Variants in DNAH9 observed in about 807,000 individuals in gnomAD.
DNAH9 encodes the protein DNAH9 variant protein.
DNAH9 carries 345 observed loss-of-function variants against 471.6 expected under a neutral mutation model. That is an observed-to-expected ratio of 0.73 (90% CI 0.67 to 0.80). The LOEUF is 0.80. Among genes scored for constraint, DNAH9 ranks in the 30% least tolerant of loss-of-function variants. The probability of loss-of-function intolerance (pLI) is 0.00; values close to 1 mark genes in which losing one functional copy is unlikely to be tolerated. For missense variants in DNAH9, 5,407 were observed against 5,609.2 expected (o/e 0.96, Z 1.15); for synonymous variants, 2,093 against 2,123.6 (o/e 0.99, Z 0.40).
chr17:11,649,672 ATTTCTTC>A (rs1353541323), intron 12 of DNAH9, among the ~76,000 whole-genome samples: 2 of 152,158 alleles, frequency 1.3e-5, no homozygotes, highest in Admixed American at 1.3e-4. Flanking sequence ...GATACTGTTC[ATTTCTTC>A]AAATAGTTTC....
chr17:11,713,038 G>T (rs2074900581), intron 26 of DNAH9, among the ~76,000 whole-genome samples: 1 of 151,860 alleles, frequency 6.6e-6, no homozygotes, highest in East Asian at 1.9e-4. Context: ...TATCTTTTCT[G>T]CTCCTCTCCT....
chr17:11,945,780 C>G (rs925887172), intron 67 of DNAH9, among the ~76,000 whole-genome samples: 3 of 151,374 alleles, frequency 2.0e-5, no homozygotes, highest in African/African-American at 4.9e-5. Context: ...CACTTGTGGC[C>G]GGGCGCAGTG....
intron 50 of DNAH9, among the ~76,000 whole-genome samples, chr17:11,861,779 T>C (rs1184307020): frequency 6.6e-6 from 1 of 152,054 alleles, no homozygotes; most frequent in Non-Finnish European, 1.5e-5. Flanking sequence ...TGGCCAGTGA[T>C]GGTGAGCATT....
At chr17:11,627,609 A>G (rs902639610) in intron 6 of DNAH9, among the ~76,000 whole-genome samples, 1 of 152,146 alleles carries the variant, frequency 6.6e-6, no homozygotes, top group African/African-American at 2.4e-5. Flanking sequence ...TTCCCAGTAT[A>G]TCAAGTTGAA....
chr17:11,905,705 G>A lies in DNAH9; in HGVS notation c.11645G>A (p.Arg3882Lys), dbSNP rs1289443048. 4 of 1,614,128 alleles carry A rather than the reference G, an allele frequency of 2.5e-6. No homozygotes were observed. The highest frequency in any genetic ancestry group is 3.4e-6 in the Non-Finnish European group (4 of 1,180,014). Residue 3882 changes from arginine (R) to lysine (K), a missense_variant, in exon 61 of 69, where the codon AGA becomes AAA. Arg to Lys is a conservative substitution (Grantham distance 26). Transcript: ENST00000262442. ...EKLGSKYVVG[R>K]ALDFATSFEE... The stretch of plus-strand genomic sequence containing the variant: ...TTAGGAAGCAAATACGTGGTGGGAA[G>A]AGCCCTAGATTTTGCAACCTCATTT...
chr17:11,968,292 C>A (rs1020501960), intron 68 of DNAH9, among the ~76,000 whole-genome samples: 1 of 152,160 alleles, frequency 6.6e-6, no homozygotes, highest in African/African-American at 2.4e-5. Context: ...TACCTTAATT[C>A]TGTTACTCAC....
At chr17:11,813,853 T>C (rs546495807) in intron 45 of DNAH9, among the ~76,000 whole-genome samples, 1 of 152,212 alleles carries the variant, frequency 6.6e-6, no homozygotes, top group East Asian at 1.9e-4. Flanking sequence ...TAGATGGACA[T>C]GAAGAAATCT....
In DNAH9 at chr17:11,892,079, A is replaced by G. The variant is rs1276333366; in HGVS notation, c.11283+132A>G. Reference sequence around the variant, plus strand: ...AGACTATCTGTCTTTGGATAGAGGCATCAGACAAGAAGGTCCAATGTGGTG... The same window carrying G: ...AGACTATCTGTCTTTGGATAGAGGCGTCAGACAAGAAGGTCCAATGTGGTG... On this transcript the variant is annotated intron_variant, in intron 58 of 68. Coordinates refer to ENST00000262442, the MANE Select transcript of DNAH9 (RefSeq NM_001372.4). This position sits in a 1 kb window ranked among gnomAD's most constrained non-coding sequence, Gnocchi z 4.3. The G allele has an allele frequency of 9.1e-7, 1 of 1,095,442 alleles. No individual in the cohort carries two copies. The highest frequency in any genetic ancestry group is 1.3e-6 in the Non-Finnish European group (1 of 758,844). 67.9% of individuals were successfully genotyped at this position (1,095,442 alleles called of 1,614,324 possible).
At chr17:11,884,456 T>C (rs570347825) in intron 56 of DNAH9, 10 of 390,918 alleles carry the variant, frequency 2.6e-5, no homozygotes, top group South Asian at 5.7e-5. Flanking sequence ...ATTGGAGATA[T>C]TGGCCCTGAG....
chr17:11,819,782 A>G (rs182552340), intron 45 of DNAH9, among the ~76,000 whole-genome samples: 1 of 152,384 alleles, frequency 6.6e-6, no homozygotes, highest in Non-Finnish European at 1.5e-5. Context: ...AAGCTATCTT[A>G]GTTAAAACAA....
intron 67 of DNAH9, among the ~76,000 whole-genome samples, chr17:11,951,393 A>G (rs1975355751): frequency 6.6e-6 from 1 of 152,210 alleles, no homozygotes; most frequent in Admixed American, 6.5e-5. Flanking sequence ...TGTAGTTTTT[A>G]ATGTAAGCCA....
At position 11,747,736 on chromosome 17, in the gene DNAH9, A is replaced by G. The variant is rs774738742; in HGVS notation, c.6580A>G (p.Ile2194Val). Reference sequence around the variant, plus strand: ...CACAAATGATGAGCTCTTTGGCATCATCAATCCAGCCACAGGAGAATGGAA... The same window carrying G: ...CACAAATGATGAGCTCTTTGGCATCGTCAATCCAGCCACAGGAGAATGGAA... ...AVTNDELFGI[I>V]NPATGEWKDG... The change falls in exon 32 of 69, where the codon ATC becomes GTC. Residue 2194 changes from isoleucine to valine, a missense_variant. Ile to Val is a conservative substitution (Grantham distance 29, BLOSUM62 3). Around this residue, in one of 3 missense-constraint regions of DNAH9, gnomAD observed 4,636 missense variants for 4,900.3 expected, o/e 0.95. Transcript: ENST00000262442. The G allele has an allele frequency of 6.8e-6, 11 of 1,614,148 alleles. No individual in the cohort carries two copies. The South Asian group carries it at 1.2e-4, about 18-fold the overall frequency.
At chr17:11,828,345 C>T (rs889476144) in intron 48 of DNAH9, among the ~76,000 whole-genome samples, 13 of 151,888 alleles carry the variant, frequency 8.6e-5, no homozygotes, top group African/African-American at 2.2e-4. Flanking sequence ...TGGTGGCATG[C>T]GCCTGTAATC....
chr17:11,690,079 G>A lies in DNAH9; in HGVS notation c.4257G>A (p.Glu1419=), dbSNP rs1340091921. 12 of 1,614,192 alleles carry A rather than the reference G, an allele frequency of 7.4e-6. No individual in the cohort carries two copies. In the East Asian group the frequency reaches 2.0e-4, roughly 27 times the overall value. Residue 1419 remains glutamate (E), a synonymous_variant, in exon 20 of 69, where the codon GAG becomes GAA. Transcript: ENST00000262442. ...LQLQLHHYED[E]VRGIVDKAAK... ...TCCAGCTGCACCACTATGAGGATGA[G>A]GTCCGGGGCATTGTGGACAAAGCTG... is the stretch of plus-strand genomic sequence containing the variant.
intron 45 of DNAH9, among the ~76,000 whole-genome samples, chr17:11,817,064 AAATAAT>A (rs575103483): frequency 0.017 from 2,645 of 151,870 alleles, 80 homozygotes; most frequent in African/African-American, 0.061. Flanking sequence ...TCAAAAAAAA[AAATAAT>A]AATAATAATG....
intron 14 of DNAH9, among the ~76,000 whole-genome samples, chr17:11,657,379 T>C (rs1281265004): frequency 6.6e-6 from 1 of 152,100 alleles, no homozygotes; most frequent in Non-Finnish European, 1.5e-5. Context: ...CTCTATAAAG[T>C]GTCTAAGTGT....
At chr17:11,707,209 G>C (rs925315216) in intron 26 of DNAH9, among the ~76,000 whole-genome samples, 1 of 152,170 alleles carries the variant, frequency 6.6e-6, no homozygotes, top group East Asian at 1.9e-4. Context: ...TTGTATGTCT[G>C]AATAACTGGT....
chr17:11,760,871 G>A (rs569810240), intron 35 of DNAH9, among the ~76,000 whole-genome samples: 23 of 152,286 alleles, frequency 1.5e-4, no homozygotes, highest in African/African-American at 3.4e-4. Context: ...GCAGCTCCGC[G>A]ATGCTCCCCT....
At chr17:11,760,219 G>A (rs1967605801) in intron 35 of DNAH9, among the ~76,000 whole-genome samples, 1 of 151,836 alleles carries the variant, frequency 6.6e-6, no homozygotes, top group Non-Finnish European at 1.5e-5. Flanking sequence ...TAAGAGTGCA[G>A]GTATCTTTTT....
Sources: gnomAD v4.1 joint callset for allele counts (sites outside exome capture counted in the v4.1 genomes callset) on GRCh38, gnomAD v4.1.1 for gene constraint, gnomAD v4.1.1 regional missense constraint, Gnocchi (gnomAD v3.1) non-coding constraint, MANE v1.5 for transcripts, NCBI Gene and HGNC (gene_info 2026-07-23, HGNC 2026-07-21) for gene names.